DLG2: variants seen among roughly 807,000 people sequenced by gnomAD.
The protein encoded by DLG2 is disks large homolog 2.
A neutral mutation model predicts 132.5 loss-of-function variants in DLG2; 45 were observed. That is an observed-to-expected ratio of 0.34 (90% CI 0.27 to 0.44). The LOEUF is 0.44. Ranked by LOEUF, DLG2 falls within the 20% of genes least tolerant of loss-of-function variation. DLG2 has a pLI of 1.00. For missense variants in DLG2, 1,045 were observed against 1,196.9 expected (o/e 0.87, Z 1.87); for synonymous variants, 424 against 419.6 (o/e 1.01, Z -0.13).
chr11:84,559,707 G>T (rs914432415), intron 6 of DLG2, among the ~76,000 whole-genome samples: 5 of 152,130 alleles, frequency 3.3e-5, no homozygotes, highest in African/African-American at 1.2e-4. Context: ...ATCTGAACTT[G>T]CTAACTGTGT....
chr11:83,555,220 T>C (rs972840091), intron 19 of DLG2, among the ~76,000 whole-genome samples: 1 of 152,230 alleles, frequency 6.6e-6, no homozygotes, highest in Non-Finnish European at 1.5e-5. Context: ...ATGTCTGGGA[T>C]AGTCTAAGAT....
intron 6 of DLG2, among the ~76,000 whole-genome samples, chr11:84,920,282 G>T (rs528343888): frequency 6.6e-5 from 10 of 152,110 alleles, no homozygotes; most frequent in African/African-American, 1.9e-4. Context: ...TCTTTGAAGT[G>T]CTCTGCTTCT....
chr11:84,468,984 T>C lies in DLG2; in HGVS notation c.519+65586A>G, dbSNP rs550632082. The stretch of plus-strand genomic sequence containing the variant: ...GCACCAAGTGAAGTGACATTTCCTT[T>C]GTGAATCTTCCCAAACACTCAGACA... On this transcript the variant is annotated intron_variant, in intron 7 of 27. Transcript: ENST00000376104. Among the ~76,000 whole-genome samples, 136 of 151,704 alleles carry C rather than the reference T, an allele frequency of 9.0e-4. 2 individuals are homozygous for C. Among genetic ancestry groups the C allele is most frequent in the Admixed American group, 1.4e-3 (22 of 15,190 alleles).
intron 2 of DLG2, among the ~76,000 whole-genome samples, chr11:85,626,335 G>T (rs1485505311): frequency 6.6e-6 from 1 of 152,130 alleles, no homozygotes; most frequent in Non-Finnish European, 1.5e-5. Context: ...CAAATCTGCG[G>T]TACTGAATCT....
At chr11:85,358,231 A>G (rs2083890753) in intron 3 of DLG2, among the ~76,000 whole-genome samples, 1 of 152,176 alleles carries the variant, frequency 6.6e-6, no homozygotes, top group Non-Finnish European at 1.5e-5. Flanking sequence ...AAATCACAGA[A>G]GTAGATACTG....
At chr11:84,462,808 C>T (rs113870548) in intron 7 of DLG2, among the ~76,000 whole-genome samples, 78 of 151,144 alleles carry the variant, frequency 5.2e-4, no homozygotes, top group African/African-American at 1.8e-3. Context: ...TAGTGGCCAA[C>T]GTAACAACTG....
intron 10 of DLG2, among the ~76,000 whole-genome samples, chr11:84,074,779 C>T (rs977303388): frequency 3.3e-5 from 5 of 152,120 alleles, no homozygotes; most frequent in Non-Finnish European, 5.9e-5. Context: ...CTGCCCACCT[C>T]GGCCTCCCAA....
In DLG2 at chr11:85,337,216, C is replaced by T. The variant is rs543638937; in HGVS notation, c.41-51851G>A. Among the ~76,000 whole-genome samples the T allele has an allele frequency of 9.3e-4, 142 of 152,276 alleles. 1 individual carries two copies. In the South Asian group the frequency reaches 0.028, roughly 30 times the overall value. On this transcript the variant is annotated intron_variant, in intron 3 of 27. Coordinates refer to ENST00000376104, the MANE Select transcript of DLG2 (RefSeq NM_001142699.3). ...ATATAATTAAAATATATCTATGTCA[C>T]TGAATTATTCTGTTAAAAATATTTT... is the stretch of plus-strand genomic sequence containing the variant.
intron 9 of DLG2, among the ~76,000 whole-genome samples, chr11:84,147,673 A>G (rs2095135913): frequency 6.6e-6 from 1 of 152,172 alleles, no homozygotes; most frequent in South Asian, 2.1e-4. Context: ...ACTTAAATAT[A>G]TATTAATAAT....
chr11:84,314,720 A>G (rs1203059207), intron 7 of DLG2, among the ~76,000 whole-genome samples: 1 of 151,910 alleles, frequency 6.6e-6, no homozygotes, highest in Non-Finnish European at 1.5e-5. Context: ...ATATGCATAT[A>G]TATACTTAAA....
intron 7 of DLG2, among the ~76,000 whole-genome samples, chr11:84,292,242 C>T (rs2154376187): frequency 6.6e-6 from 1 of 152,278 alleles, no homozygotes; most frequent in African/African-American, 2.4e-5. Flanking sequence ...AGAGTAACGA[C>T]ATATGTGGTA....
intron 6 of DLG2, among the ~76,000 whole-genome samples, chr11:84,689,716 A>G (rs2153723041): frequency 6.6e-6 from 1 of 152,130 alleles, no homozygotes; most frequent in African/African-American, 2.4e-5. Context: ...AAAGAGTATA[A>G]AGCAGGGAAC....
At chr11:84,207,081 C>CTCTCTCTCTATA (rs148707321) in intron 8 of DLG2, among the ~76,000 whole-genome samples, 16 of 146,904 alleles carry the variant, frequency 1.1e-4, no homozygotes, top group African/African-American at 3.8e-4. Context: ...CTCTCTCTCT[C>CTCTCTCTCTATA]TATATATATA....
chr11:84,532,855 G>C (rs2099346183), intron 7 of DLG2, among the ~76,000 whole-genome samples: 1 of 152,094 alleles, frequency 6.6e-6, no homozygotes, highest in South Asian at 2.1e-4. Context: ...TGAAATGTAA[G>C]TACCTTCAAT....
chr11:85,176,223 G>T, intron 4 of DLG2, among the ~76,000 whole-genome samples: 1 of 152,046 alleles, frequency 6.6e-6, no homozygotes, highest in East Asian at 1.9e-4. Flanking sequence ...ATACTACAGG[G>T]CTACAACAAC....
intron 6 of DLG2, among the ~76,000 whole-genome samples, chr11:84,750,705 G>C (rs192583360): frequency 1.3e-5 from 2 of 152,116 alleles, no homozygotes; most frequent in Admixed American, 6.5e-5. Context: ...GTTTAACATA[G>C]GCTGTTTTTC....
At chr11:84,353,090 TC>T (rs1474766966) in intron 7 of DLG2, among the ~76,000 whole-genome samples, 1 of 152,150 alleles carries the variant, frequency 6.6e-6, no homozygotes, top group Non-Finnish European at 1.5e-5. Flanking sequence ...TCATTGTGTC[TC>T]CCTCCTATTT....
intron 14 of DLG2, among the ~76,000 whole-genome samples, chr11:83,943,491 T>C (rs1460730081): frequency 1.3e-5 from 2 of 152,242 alleles, no homozygotes; most frequent in Non-Finnish European, 2.9e-5. Context: ...ATGAGAATAG[T>C]GAAAGTTCAT....
chr11:83,538,611 C>T (rs766302723), intron 20 of DLG2, among the ~76,000 whole-genome samples: 2 of 152,190 alleles, frequency 1.3e-5, no homozygotes, highest in Admixed American at 6.5e-5. Flanking sequence ...AGTTACTCGA[C>T]TTCTCTGATC....
Sources: allele counts gnomAD v4.1 joint callset (sites outside exome capture counted in the v4.1 genomes callset), GRCh38; gene constraint gnomAD v4.1.1; transcripts MANE v1.5; gene names NCBI Gene and HGNC (gene_info 2026-07-23, HGNC 2026-07-21).